Variants in CD300LF observed in about 807,000 individuals in gnomAD.
The protein encoded by CD300LF is CD300 molecule like family member f.
Under a neutral mutation model 32.2 loss-of-function variants are expected in CD300LF, and 27 were observed. The observed-to-expected ratio is 0.84, with a 90% CI of 0.62 to 1.15. The LOEUF (loss-of-function observed/expected upper bound fraction) is 1.15. Among genes scored for constraint, CD300LF ranks in the 50% most tolerant of loss-of-function variants. CD300LF has a pLI of 0.00. For missense variants in CD300LF, 348 were observed against 356.8 expected (o/e 0.98, Z 0.20); for synonymous variants, 139 against 143.2 (o/e 0.97, Z 0.21).
intron 4 of CD300LF, among the ~76,000 whole-genome samples, chr17:74,697,652 G>A (rs575864895): frequency 6.6e-6 from 1 of 150,890 alleles, no homozygotes; most frequent in South Asian, 2.2e-4. Context: ...ATGTGGAAGT[G>A]AAGCCACATT....
chr17:74,695,325 GGA>G (rs1598198839), intron 6 of CD300LF, 74 bp from the exon 7 acceptor site: 7 of 1,554,252 alleles, frequency 4.5e-6, no homozygotes, highest in Non-Finnish European at 5.3e-6. Flanking sequence ...AGCCCTCGGA[GGA>G]GGATAGTGGG....
chr17:74,702,930 A>T (rs1417242322), intron 3 of CD300LF, 105 bp downstream of exon 3: 1 of 926,620 alleles, frequency 1.1e-6, no homozygotes. Context: ...ACCAAGGAGC[A>T]TGCAGGTCCC....
In CD300LF at chr17:74,696,254, A is replaced by G. The variant is rs774537566; in HGVS notation, c.560-37T>C. The G allele has an allele frequency of 2.0e-5, 32 of 1,591,402 alleles. 1 individual carries two copies. Among genetic ancestry groups the G allele is most frequent in the Middle Eastern group, 3.4e-4 (2 of 5,968 alleles). On this transcript the variant is annotated intron_variant, in intron 4 of 6. Transcript: ENST00000326165. The stretch of plus-strand genomic sequence containing the variant: ...ACAACAATTCAGAATTAGAAAGCCC[A>G]TTCCCCAGACTCACAAGAACCCCCA...
chr17:74,703,627 C>T (rs1040334100), intron 2 of CD300LF, among the ~76,000 whole-genome samples: 1 of 152,192 alleles, frequency 6.6e-6, no homozygotes, highest in Non-Finnish European at 1.5e-5. Context: ...GATGGGGATG[C>T]CCCCTTCTCA....
intron 3 of CD300LF, among the ~76,000 whole-genome samples, chr17:74,700,810 C>G (rs1442925472): frequency 1.3e-5 from 2 of 151,960 alleles, no homozygotes; most frequent in African/African-American, 4.8e-5. Context: ...ACACCACCAC[C>G]CCCCCACCCC....
intron 3 of CD300LF, among the ~76,000 whole-genome samples, chr17:74,700,562 A>G (rs771167173): frequency 1.6e-4 from 25 of 152,210 alleles, no homozygotes; most frequent in Admixed American, 7.2e-4. Flanking sequence ...CCAACATGGC[A>G]AAACCCCATC....
At chr17:74,698,637 G>A in intron 3 of CD300LF, 156 bp from the exon 4 acceptor site, 1 of 1,473,414 alleles carries the variant, frequency 6.8e-7, no homozygotes, top group Non-Finnish European at 9.0e-7. Context: ...GATCCTCAAA[G>A]ATGGGTTTAC....
At position 74,704,744 on chromosome 17, in the gene CD300LF, T is replaced by C. The variant is rs753138359; in HGVS notation, c.116A>G (p.Gln39Arg). The C allele has an allele frequency of 1.2e-6, 2 of 1,614,046 alleles. No individual in the cohort carries two copies. The highest frequency in any genetic ancestry group is 1.3e-5 in the African/African-American group (1 of 74,922). ...NGLERGSLTV[Q>R]CVYRSGWETY... ...CTCCCAGCCTGATCTGTAAACACAC[T>C]GCACGGTCAAGGAGCCCCGCTCCAA... The change falls in exon 2 of 7, where the codon CAG becomes CGG. Residue 39 changes from glutamine (Q) to arginine (R), a missense_variant. Transcript: ENST00000326165.
chr17:74,697,170 C>T (rs1020881298), intron 4 of CD300LF, among the ~76,000 whole-genome samples: 6 of 152,268 alleles, frequency 3.9e-5, no homozygotes, highest in African/African-American at 4.8e-5. Context: ...TCTCGAACTC[C>T]TGACCTCAAG....
chr17:74,706,839 G>A (rs1037171), intron 1 of CD300LF, among the ~76,000 whole-genome samples: 81,720 of 152,052 alleles, frequency 0.54, 26,604 homozygotes, highest in Middle Eastern at 0.78. Flanking sequence ...ACTCCAGCCC[G>A]GGTCCTGGGG....
chr17:74,695,548 G>C (rs748869583), intron 6 of CD300LF, among the ~76,000 whole-genome samples, 177 bp downstream of exon 6: 1 of 152,184 alleles, frequency 6.6e-6, no homozygotes, highest in Non-Finnish European at 1.5e-5. Flanking sequence ...TGTGTCCCCA[G>C]GACTGAGACT....
intron 3 of CD300LF, among the ~76,000 whole-genome samples, chr17:74,700,965 G>A (rs1211417610): frequency 2.6e-5 from 4 of 152,066 alleles, no homozygotes; most frequent in African/African-American, 9.7e-5. Context: ...GAAGAGATCA[G>A]GACACAGACA....
Position 74,712,820 on chromosome 17 carries a change from T to A in CD300LF, c.43+4A>T. The A allele has an allele frequency of 6.2e-7, 1 of 1,613,902 alleles. No individual in the cohort carries two copies. The highest frequency in any genetic ancestry group is 8.5e-7 in the Non-Finnish European group (1 of 1,179,936). On this transcript the variant is annotated splice_donor_region_variant and intron_variant, in intron 1 of 6. Transcript: ENST00000326165. Reference sequence around the variant, plus strand: ...CCCAAGAAGACAGACCCAGGCCCGCTCACCTGAGAGCCAGAAGAGGAGCAG... The same window carrying A: ...CCCAAGAAGACAGACCCAGGCCCGCACACCTGAGAGCCAGAAGAGGAGCAG...
At position 74,695,064 on chromosome 17, in the gene CD300LF, C is replaced by T. The variant is rs367967081; in HGVS notation, c.*32G>A. The T allele has an allele frequency of 7.4e-5, 119 of 1,601,188 alleles. 1 individual carries two copies. In the East Asian group the frequency reaches 1.7e-3, roughly 23 times the overall value. ...CGATGAGGCAGGAGTGTGCTCACAG[C>T]CTGGGGTCCAAGAAGGAGCCTGGAG... On this transcript the variant is annotated 3_prime_UTR_variant, in exon 7 of 7. Transcript: ENST00000326165.
chr17:74,699,066 C>T (rs2032791442), intron 3 of CD300LF, among the ~76,000 whole-genome samples: 1 of 151,860 alleles, frequency 6.6e-6, no homozygotes, highest in African/African-American at 2.4e-5. Context: ...TTACAGGCAC[C>T]CACCACCACA....
intron 1 of CD300LF, among the ~76,000 whole-genome samples, chr17:74,708,742 C>T (rs539502722): frequency 5.3e-4 from 80 of 152,190 alleles, no homozygotes; most frequent in African/African-American, 1.8e-3. Context: ...CGGTGAAACC[C>T]TGTCTCTACT....
In CD300LF at chr17:74,695,756, A is replaced by G. The variant is rs774062854; in HGVS notation, c.686T>C (p.Val229Ala). 1.2e-6 allele frequency: 2 copies of G among 1,614,130 alleles called. No individual in the cohort carries two copies. Among genetic ancestry groups the G allele is most frequent in the Non-Finnish European group, 8.5e-7 (1 of 1,180,022 alleles). ...KATTKLSSAQVDQVEVEYVTM... is the reference protein window; with the variant it reads ...KATTKLSSAQADQVEVEYVTM... ...GACATATTCCACTTCCACCTGGTCA[A>G]CCTGGGCAGAGGAAAGCTTCGTGGT... The change falls in exon 6 of 7, where the codon GTT becomes GCT. Residue 229 changes from valine to alanine, a missense_variant. Transcript: ENST00000326165.
chr17:74,700,469 G>C (rs772136777), intron 3 of CD300LF, among the ~76,000 whole-genome samples: 5 of 151,998 alleles, frequency 3.3e-5, no homozygotes, highest in Admixed American at 6.6e-5. Context: ...GACTGAGCGC[G>C]GTGGCTTACA....
At position 74,704,654 on chromosome 17, in the gene CD300LF, C is replaced by T; in HGVS notation, c.206G>A (p.Ser69Asn). 1 of 1,614,224 alleles carries T rather than the reference C, an allele frequency of 6.2e-7. No individual in the cohort carries two copies. Among genetic ancestry groups the T allele is most frequent in the Non-Finnish European group, 8.5e-7 (1 of 1,180,046 alleles). ...CCTCTTCACCTCCTGCTCTGACCCA[C>T]TGGTTTTAACAAGGATCTTGCAGTC... Reference protein sequence around the residue: ...WRDCKILVKTSGSEQEVKRDR... With the variant: ...WRDCKILVKTNGSEQEVKRDR... Residue 69 changes from serine (S) to asparagine (N), a missense_variant, in exon 2 of 7, where the codon AGT (serine) becomes AAT (asparagine). Transcript: ENST00000326165.
Sources: allele counts gnomAD v4.1 joint callset (sites outside exome capture counted in the v4.1 genomes callset), GRCh38; gene constraint gnomAD v4.1.1; transcripts MANE v1.5; gene names NCBI Gene and HGNC (gene_info 2026-07-23, HGNC 2026-07-21).